Variants in DLGAP1 observed in about 807,000 individuals in gnomAD.
DLGAP1 encodes the protein disks large-associated protein 1.
DLGAP1 carries 11 observed loss-of-function variants against 90.8 expected under a neutral mutation model. The observed-to-expected ratio is 0.12, with a 90% confidence interval of 0.08 to 0.20. The LOEUF (loss-of-function observed/expected upper bound fraction) is 0.20, where lower values mean the gene tolerates loss of function less well. Ranked by LOEUF, DLGAP1 falls within the 10% of genes least tolerant of loss-of-function variation. DLGAP1 has a pLI of 1.00. For synonymous variants in DLGAP1, 558 were observed against 540.7 expected (o/e 1.03, Z -0.44); for missense variants, 1,050 against 1,333.8 (o/e 0.79, Z 3.31).
intron 7 of DLGAP1, chr18:3,597,059 TTTC>T (rs770768208): frequency 2.1e-5 from 11 of 519,914 alleles, no homozygotes; most frequent in African/African-American, 1.9e-4. Flanking sequence ...TGCAGCTGTT[TTTC>T]TTCTTCATTC....
chr18:3,739,784 G>GA (rs11306184), intron 6 of DLGAP1, among the ~76,000 whole-genome samples: 5 of 151,452 alleles, frequency 3.3e-5, no homozygotes, highest in African/African-American at 4.8e-5. Flanking sequence ...AAAAATAAAA[G>GA]AAAAAAAAAG....
chr18:3,755,820 A>G (rs2063697244), intron 5 of DLGAP1, among the ~76,000 whole-genome samples: 1 of 152,192 alleles, frequency 6.6e-6, no homozygotes, highest in Admixed American at 6.5e-5. Context: ...AAACAGAACT[A>G]ACGGATACCT....
chr18:3,786,240 G>A (rs2065442401), intron 5 of DLGAP1, among the ~76,000 whole-genome samples: 1 of 152,020 alleles, frequency 6.6e-6, no homozygotes, highest in Non-Finnish European at 1.5e-5. Flanking sequence ...GACATCTTTG[G>A]GGGGCATTAT....
chr18:3,815,102 C>T (rs2067036971), intron 4 of DLGAP1, among the ~76,000 whole-genome samples: 1 of 152,146 alleles, frequency 6.6e-6, no homozygotes, highest in African/African-American at 2.4e-5. Flanking sequence ...GAAAGGAGAG[C>T]AATTTTATTT....
chr18:3,501,963 A>C (rs1045256876), intron 12 of DLGAP1, among the ~76,000 whole-genome samples: 4 of 151,962 alleles, frequency 2.6e-5, no homozygotes, highest in Non-Finnish European at 4.4e-5. Context: ...AAAAAAAAAA[A>C]AAAAAACCCA....
chr18:4,386,160 G>A (rs2082225884), intron 1 of DLGAP1, among the ~76,000 whole-genome samples: 1 of 152,034 alleles, frequency 6.6e-6, no homozygotes, highest in East Asian at 1.9e-4. Context: ...TTCTTCTTAT[G>A]TCCCCGTTCT....
At chr18:4,164,637 A>C (rs1362638665) in intron 1 of DLGAP1, among the ~76,000 whole-genome samples, 1 of 152,098 alleles carries the variant, frequency 6.6e-6, no homozygotes, top group Non-Finnish European at 1.5e-5. Context: ...CCAAGATCGC[A>C]CCACTGCTCC....
Position 3,814,282 on chromosome 18 carries a change from A to G in DLGAP1, c.958-9T>C. The G allele has an allele frequency of 1.2e-6, 2 of 1,610,668 alleles. No individual in the cohort carries two copies. ...CATTCATCTTGTGGAACCTATTCAGATAGAAAACAGATAAATCACTTTTTA... is the reference window on the plus strand; with the variant it reads ...CATTCATCTTGTGGAACCTATTCAGGTAGAAAACAGATAAATCACTTTTTA... On this transcript the variant is annotated splice_polypyrimidine_tract_variant and intron_variant, in intron 4 of 12. Coordinates refer to ENST00000315677, the MANE Select transcript of DLGAP1 (RefSeq NM_004746.4).
chr18:4,069,743 C>A (rs2075420740), intron 2 of DLGAP1, among the ~76,000 whole-genome samples: 2 of 152,154 alleles, frequency 1.3e-5, no homozygotes, highest in Admixed American at 1.3e-4. Flanking sequence ...AATTAAACCT[C>A]TTTTTAAAAT....
intron 1 of DLGAP1, among the ~76,000 whole-genome samples, chr18:4,380,250 A>C (rs2082088711): frequency 6.6e-6 from 1 of 152,194 alleles, no homozygotes; most frequent in South Asian, 2.1e-4. Context: ...GAATATCATT[A>C]CATTTTGAAA....
At chr18:4,309,193 A>G (rs2080337664) in intron 1 of DLGAP1, among the ~76,000 whole-genome samples, 1 of 152,164 alleles carries the variant, frequency 6.6e-6, no homozygotes, top group South Asian at 2.1e-4. Flanking sequence ...TTGAGAATAC[A>G]CACTTTGTTC....
At chr18:4,069,347 T>C (rs544966486) in intron 2 of DLGAP1, among the ~76,000 whole-genome samples, 2 of 152,242 alleles carry the variant, frequency 1.3e-5, no homozygotes, top group South Asian at 2.1e-4. Flanking sequence ...GCCTTGGGGA[T>C]TGATGATTCT....
intron 3 of DLGAP1, among the ~76,000 whole-genome samples, chr18:3,893,126 C>T (rs75760932): frequency 0.022 from 3,270 of 152,040 alleles, 118 homozygotes; most frequent in African/African-American, 0.075. Flanking sequence ...CATTATTTAT[C>T]TCCTAAGGGA....
chr18:3,578,666 T>G (rs1232688538), intron 8 of DLGAP1, among the ~76,000 whole-genome samples: 1 of 151,246 alleles, frequency 6.6e-6, no homozygotes, highest in Non-Finnish European at 1.5e-5. Flanking sequence ...TTTTTTTTTT[T>G]TCTTATTATT....
Position 4,412,710 on chromosome 18 carries a change from T to G in DLGAP1, c.-267+42296A>C, listed in dbSNP as rs72866327. 1.3e-3 allele frequency among the ~76,000 whole-genome samples: 198 copies of G among 152,172 alleles called. 3 individuals are homozygous for G. Among genetic ancestry groups the G allele is most frequent in the Non-Finnish European group, 1.5e-3 (99 of 68,002 alleles). On this transcript the variant is annotated intron_variant, in intron 1 of 12. Transcript: ENST00000315677. Reference sequence around the variant, plus strand: ...TGTTGCTAAGGTGGCTCTCTGAAATTTGGAGGTGGCAATGGTCCAAAGCAA... The same window carrying G: ...TGTTGCTAAGGTGGCTCTCTGAAATGTGGAGGTGGCAATGGTCCAAAGCAA...
chr18:3,868,436 C>A (rs1410403275), intron 4 of DLGAP1, among the ~76,000 whole-genome samples: 2 of 152,102 alleles, frequency 1.3e-5, no homozygotes, highest in Non-Finnish European at 2.9e-5. Flanking sequence ...TTATTTACTG[C>A]CTAAGGGGAT....
chr18:3,502,118 G>A, intron 12 of DLGAP1: 2 of 1,046,504 alleles, frequency 1.9e-6, no homozygotes, highest in Non-Finnish European at 2.3e-6. Flanking sequence ...CACATCCTAG[G>A]GGTGTAAGGA....
intron 2 of DLGAP1, among the ~76,000 whole-genome samples, chr18:4,101,409 G>A (rs942633802): frequency 6.6e-6 from 1 of 152,136 alleles, no homozygotes; most frequent in Non-Finnish European, 1.5e-5. Context: ...AATTATAATA[G>A]TAGCATCAAA....
chr18:3,941,745 C>T (rs2072773836), intron 3 of DLGAP1, among the ~76,000 whole-genome samples: 1 of 152,122 alleles, frequency 6.6e-6, no homozygotes, highest in Non-Finnish European at 1.5e-5. Flanking sequence ...CAGGGTCTTG[C>T]CTTGTCACTC....
Sources: allele counts gnomAD v4.1 joint callset (sites outside exome capture counted in the v4.1 genomes callset), GRCh38; gene constraint gnomAD v4.1.1; transcripts MANE v1.5; gene names NCBI Gene and HGNC (gene_info 2026-07-23, HGNC 2026-07-21).